DAB2: variants seen among roughly 807,000 people sequenced by gnomAD.
DAB2 encodes disabled homolog 2.
DAB2 carries 28 observed loss-of-function variants against 71.6 expected under a neutral mutation model. That is an observed-to-expected ratio of 0.39 (90% CI 0.29 to 0.54). DAB2 has a LOEUF of 0.54. DAB2 is among the 20% of genes least tolerant of loss of function. DAB2 has a pLI of 0.68. For synonymous variants in DAB2, 345 were observed against 339.7 expected, an observed-to-expected ratio of 1.02 and a Z score of -0.17; for missense variants, 867 against 928.8, an observed-to-expected ratio of 0.93 and a Z score of 0.86.
intron 9 of DAB2, among the ~76,000 whole-genome samples, chr5:39,384,955 G>T (rs1183875338): frequency 6.6e-6 from 1 of 151,670 alleles, no homozygotes; most frequent in East Asian, 1.9e-4. Flanking sequence ...ATACAAAAGG[G>T]TTCAAATAGA....
chr5:39,403,537 T>C (rs1210322565), intron 1 of DAB2, among the ~76,000 whole-genome samples: 1 of 152,190 alleles, frequency 6.6e-6, no homozygotes, highest in East Asian at 1.9e-4. Context: ...GGTCTCATTA[T>C]ACATTGTCAC....
intron 1 of DAB2, among the ~76,000 whole-genome samples, chr5:39,400,149 A>T (rs755807266): frequency 3.9e-5 from 6 of 152,158 alleles, no homozygotes; most frequent in African/African-American, 1.2e-4. Flanking sequence ...TATTTTTAAC[A>T]TTAAGGGGAA....
rs192391900 is a variant in DAB2, at chr5:39,422,880, T to A, written c.-102+1924A>T. ...GGACTTCCAGTTTAATCTGAAACTA[T>A]AAAAGTCTTTAGCAGAAACACAAAC... On this transcript the variant is annotated intron_variant, in intron 1 of 14. Transcript: ENST00000320816. This position sits in a 1 kb window ranked among gnomAD's most constrained non-coding sequence, Gnocchi z 4.1. Among the ~76,000 whole-genome samples the A allele has an allele frequency of 3.3e-5, 5 of 152,324 alleles. No homozygotes were observed. Among genetic ancestry groups the A allele is most frequent in the Admixed American group, 2.0e-4 (3 of 15,306 alleles).
chr5:39,407,734 TC>T (rs1247179594), intron 1 of DAB2, among the ~76,000 whole-genome samples: 12 of 152,326 alleles, frequency 7.9e-5, no homozygotes, highest in Admixed American at 2.6e-4. Flanking sequence ...ATTGAATACT[TC>T]CCACTTTCTA....
intron 1 of DAB2, among the ~76,000 whole-genome samples, chr5:39,412,970 T>C (rs1755766058): frequency 6.6e-6 from 1 of 152,146 alleles, no homozygotes; most frequent in South Asian, 2.1e-4. Context: ...GGCTATAATA[T>C]AGGGCCTGTG....
At position 39,376,718 on chromosome 5, in the gene DAB2, A is replaced by G; in HGVS notation, c.2069T>C (p.Val690Ala). Residue 690 changes from valine (V) to alanine (A), a missense_variant, in exon 12 of 15, where the codon GTT (valine) becomes GCT (alanine). Physicochemically the swap from Val to Ala is moderately conservative, Grantham distance 64. Transcript: ENST00000320816. The stretch of plus-strand genomic sequence containing the variant: ...GTCTGCATTCTCCTGAGGAATGCCA[A>G]CCTTGCTGTTGAAATAACTGGCAAA... The part of the protein sequence containing the change: ...SAFASYFNSK[V>A]GIPQENADHD... The G allele has an allele frequency of 2.5e-6, 4 of 1,614,154 alleles. No homozygotes were observed. The highest frequency in any genetic ancestry group is 3.4e-6 in the Non-Finnish European group (4 of 1,180,026).
intron 12 of DAB2, among the ~76,000 whole-genome samples, 199 bp downstream of exon 12, chr5:39,376,451 C>A: frequency 6.6e-6 from 1 of 152,142 alleles, no homozygotes; most frequent in Non-Finnish European, 1.5e-5. Context: ...AGCATTGGGT[C>A]AGTCCTCAGA....
intron 1 of DAB2, among the ~76,000 whole-genome samples, chr5:39,399,317 A>T (rs554041418): frequency 4.9e-4 from 75 of 152,304 alleles, no homozygotes; most frequent in African/African-American, 1.8e-3. Flanking sequence ...AAACATATAA[A>T]AAGGCTCACA....
intron 11 of DAB2, among the ~76,000 whole-genome samples, chr5:39,378,584 T>C (rs1754886845): frequency 6.6e-6 from 1 of 152,234 alleles, no homozygotes; most frequent in Non-Finnish European, 1.5e-5. Flanking sequence ...TCATGCATGC[T>C]GGCCATCTGG....
intron 1 of DAB2, among the ~76,000 whole-genome samples, chr5:39,403,969 T>G (rs564700882): frequency 6.6e-6 from 1 of 152,286 alleles, no homozygotes; most frequent in Non-Finnish European, 1.5e-5. Flanking sequence ...CATCATTTTT[T>G]ATGGCTGCAT....
At chr5:39,392,280 C>T (rs899240765) in intron 4 of DAB2, 85 bp downstream of exon 4, 18 of 962,708 alleles carry the variant, frequency 1.9e-5, no homozygotes, top group African/African-American at 1.1e-4. Flanking sequence ...ACTTTGAGAA[C>T]GAAGAAGGGG....
rs1802926 is a variant in DAB2 at position 39,372,887 on chromosome 5, C to T, written c.*544G>A. On this transcript the variant is annotated 3_prime_UTR_variant, in exon 15 of 15. Coordinates refer to ENST00000320816, the MANE Select transcript of DAB2 (RefSeq NM_001343.4). ...CTTAAGTGGTTAGATTCCAAAGTGT[C>T]TAAGGAGAAGTTGTAGTTGCTTCAA... is the stretch of plus-strand genomic sequence containing the variant. The T allele has an allele frequency of 1.3e-5, 2 of 152,098 alleles. No homozygotes were observed. Among genetic ancestry groups the T allele is most frequent in the African/African-American group, 4.8e-5 (2 of 41,422 alleles). 9.4% of individuals were successfully genotyped at this position (152,098 alleles called of 1,614,324 possible). A position where few individuals can be genotyped will look rare whatever the true frequency, so the allele number is the denominator to read the frequency against.
At chr5:39,393,510 T>A in intron 2 of DAB2, 117 bp from the exon 3 acceptor site, 1 of 1,060,258 alleles carries the variant, frequency 9.4e-7, no homozygotes, top group Non-Finnish European at 1.4e-6. Context: ...ACTGATCATG[T>A]ATGTAATATT....
intron 1 of DAB2, chr5:39,408,490 T>C (rs1033011618): frequency 2.0e-5 from 3 of 152,200 alleles, no homozygotes; most frequent in African/African-American, 7.2e-5. Context: ...ACATGGCAGT[T>C]AGGCTTCATC....
At chr5:39,401,149 C>A (rs1176142781) in intron 1 of DAB2, among the ~76,000 whole-genome samples, 1 of 152,156 alleles carries the variant, frequency 6.6e-6, no homozygotes, top group Non-Finnish European at 1.5e-5. Context: ...CCAAACTGAG[C>A]AGACAGTAAG....
At chr5:39,393,150 C>A (rs1023817691) in intron 3 of DAB2, 104 bp downstream of exon 3, 1 of 1,167,862 alleles carries the variant, frequency 8.6e-7, no homozygotes, top group South Asian at 1.4e-5. Context: ...TGATTAAAAG[C>A]AGTTTTCAAG....
chr5:39,400,516 G>A (rs764773544), intron 1 of DAB2, among the ~76,000 whole-genome samples: 17 of 152,276 alleles, frequency 1.1e-4, no homozygotes, highest in Non-Finnish European at 1.9e-4. Context: ...ATAGGTGTGA[G>A]CCACCGCATC....
At chr5:39,374,155 T>G (rs1183436551) in intron 14 of DAB2, among the ~76,000 whole-genome samples, 1 of 152,160 alleles carries the variant, frequency 6.6e-6, no homozygotes, top group East Asian at 1.9e-4. Flanking sequence ...AAATCACAGT[T>G]TAGTAGTCCT....
intron 7 of DAB2, 110 bp downstream of exon 7, chr5:39,388,987 T>C: frequency 7.6e-7 from 1 of 1,323,990 alleles, no homozygotes; most frequent in Non-Finnish European, 1.1e-6. Context: ...ATCAGAGAAG[T>C]CATAAACACA....
Sources: gnomAD v4.1 joint callset for allele counts (sites outside exome capture counted in the v4.1 genomes callset) on GRCh38, gnomAD v4.1.1 for gene constraint, Gnocchi (gnomAD v3.1) non-coding constraint, MANE v1.5 for transcripts, NCBI Gene and HGNC (gene_info 2026-07-23, HGNC 2026-07-21) for gene names.